The following CFAP206 variants were observed in gnomAD, a reference collection of about 807,000 sequenced individuals.
CFAP206 encodes the protein cilia- and flagella-associated protein 206.
In CFAP206, 53 loss-of-function variants were observed where a neutral mutation model predicts 65.4. The observed-to-expected ratio is 0.81, with a 90% CI of 0.65 to 1.02. The LOEUF is 1.02. Among genes scored for constraint, CFAP206 ranks in the 50% least tolerant of loss-of-function variants. The pLI is 0.00. For missense variants in CFAP206, 663 were observed against 753.2 expected (o/e 0.88, Z 1.40); for synonymous variants, 250 against 254.4 (o/e 0.98, Z 0.17).
Position 87,416,712 on chromosome 6 carries a change from T to C in CFAP206, c.516T>C (p.Phe172=). 6.2e-7 allele frequency: 1 copy of C among 1,613,810 alleles called. No homozygotes were observed. Among genetic ancestry groups the C allele is most frequent in the Non-Finnish European group, 8.5e-7 (1 of 1,179,846 alleles). Residue 172 remains phenylalanine (F), a synonymous_variant, in exon 6 of 13, where the codon TTT becomes TTC. Coordinates refer to ENST00000369562, the MANE Select transcript of CFAP206 (RefSeq NM_001031743.3). ...SVFPQAELGT[F]LTLSKKDKER... is the part of the protein sequence containing the mutation. ...TTCCTCAGGCAGAGCTTGGGACATT[T>C]CTAACTCTTTCTAAGAAGGACAAAG... is the stretch of plus-strand genomic sequence containing the variant.
At chr6:87,431,273 A>T in intron 10 of CFAP206, 100 bp downstream of exon 10, 1 of 1,120,974 alleles carries the variant, frequency 8.9e-7, no homozygotes. Context: ...AACTTTATGG[A>T]ATCTAATGGT....
intron 11 of CFAP206, 104 bp from the exon 12 acceptor site, chr6:87,460,918 T>G (rs1399086901): frequency 3.2e-6 from 3 of 940,596 alleles, no homozygotes; most frequent in Non-Finnish European, 3.1e-6. Flanking sequence ...TGTCCAAAAA[T>G]TATTGTTTTT....
chr6:87,415,715 C>T lies in CFAP206; in HGVS notation c.313C>T (p.Leu105=). 1.2e-6 allele frequency: 2 copies of T among 1,610,542 alleles called. No individual in the cohort carries two copies. Among genetic ancestry groups the T allele is most frequent in the Non-Finnish European group, 1.7e-6 (2 of 1,178,472 alleles). Residue 105 remains leucine, a synonymous_variant, in exon 5 of 13, where the codon CTA becomes TTA. Transcript: ENST00000369562. ...VEFLEEHHRV[L]ESRLGSVTRE... is the part of the protein sequence containing the mutation. ...ATTTCTCGAAGAACATCACCGGGTC[C>T]TAGAGTCTAGATTAGGCTCTGTTAC...
chr6:87,450,344 T>C (rs1203292339), intron 11 of CFAP206, among the ~76,000 whole-genome samples: 1 of 152,142 alleles, frequency 6.6e-6, no homozygotes, highest in Non-Finnish European at 1.5e-5. Flanking sequence ...TTTCTATTTC[T>C]TGAAGAATGT....
intron 11 of CFAP206, chr6:87,444,354 T>A: frequency 4.6e-6 from 1 of 218,424 alleles, no homozygotes; most frequent in Non-Finnish European, 9.7e-6. Flanking sequence ...GTGGTCCAGG[T>A]TGCGTTTCCT....
chr6:87,431,306 G>A (rs968983416), intron 10 of CFAP206, 133 bp downstream of exon 10: 1 of 862,432 alleles, frequency 1.2e-6, no homozygotes, highest in African/African-American at 1.7e-5. Context: ...GATCTACAAA[G>A]ATGATCCAGA....
rs183885216 is a variant in CFAP206, at chr6:87,424,414, G to A, written c.841-2112G>A. Among the ~76,000 whole-genome samples, 4 of 152,106 alleles carry A rather than the reference G, an allele frequency of 2.6e-5. No individual in the cohort carries two copies. In the East Asian group the frequency reaches 7.7e-4, roughly 29 times the overall value. On this transcript the variant is annotated intron_variant, in intron 7 of 12. Coordinates refer to ENST00000369562, the MANE Select transcript of CFAP206 (RefSeq NM_001031743.3). The stretch of plus-strand genomic sequence containing the variant: ...CCTGCCTCAGCCTCCCGAGTAGCTG[G>A]GACATAGGCAGGTGCCACCACGCCC...
At chr6:87,458,104 A>G (rs1768679907) in intron 11 of CFAP206, among the ~76,000 whole-genome samples, 1 of 152,226 alleles carries the variant, frequency 6.6e-6, no homozygotes, top group African/African-American at 2.4e-5. Context: ...GGAAATGCAA[A>G]TCAAAACTAT....
At chr6:87,424,734 G>T (rs527561438) in intron 7 of CFAP206, among the ~76,000 whole-genome samples, 6 of 151,962 alleles carry the variant, frequency 3.9e-5, no homozygotes, top group African/African-American at 1.4e-4. Context: ...TTTATTCCTT[G>T]TATCAATAGA....
intron 11 of CFAP206, among the ~76,000 whole-genome samples, chr6:87,440,651 A>G (rs1768347220): frequency 6.6e-6 from 1 of 152,226 alleles, no homozygotes; most frequent in African/African-American, 2.4e-5. Context: ...TTGCTAATGC[A>G]GAAAGCATCT....
At chr6:87,417,987 C>G (rs1472407623) in intron 6 of CFAP206, among the ~76,000 whole-genome samples, 1 of 151,988 alleles carries the variant, frequency 6.6e-6, no homozygotes, top group African/African-American at 2.4e-5. Context: ...ATCCGCCCGC[C>G]TCGGCCTCCC....
At chr6:87,416,486 A>C (rs1767831689) in intron 5 of CFAP206, among the ~76,000 whole-genome samples, 183 bp from the exon 6 acceptor site, 1 of 152,226 alleles carries the variant, frequency 6.6e-6, no homozygotes, top group Non-Finnish European at 1.5e-5. Flanking sequence ...CATAACTCTC[A>C]GTAATCCAGC....
At chr6:87,415,350 TATATA>T (rs1311124063) in intron 4 of CFAP206, among the ~76,000 whole-genome samples, 1 of 149,932 alleles carries the variant, frequency 6.7e-6, no homozygotes, top group African/African-American at 2.4e-5. Flanking sequence ...AAAATTAAAA[TATATA>T]ATATATATTT....
intron 4 of CFAP206, among the ~76,000 whole-genome samples, chr6:87,414,360 G>C (rs752140337): frequency 6.6e-6 from 1 of 152,088 alleles, no homozygotes; most frequent in Non-Finnish European, 1.5e-5. Flanking sequence ...GCAGTGGCAC[G>C]ATCCACAGAT....
chr6:87,424,625 T>C (rs1280183048), intron 7 of CFAP206, among the ~76,000 whole-genome samples: 1 of 152,234 alleles, frequency 6.6e-6, no homozygotes, highest in Non-Finnish European at 1.5e-5. Flanking sequence ...TTTCAGACCA[T>C]GATTGTTGTA....
intron 10 of CFAP206, among the ~76,000 whole-genome samples, chr6:87,432,073 C>T (rs569471687): frequency 1.3e-5 from 2 of 152,200 alleles, no homozygotes; most frequent in East Asian, 3.9e-4. Flanking sequence ...AAAAAGCCTG[C>T]CAGGGCTAGA....
chr6:87,416,555 A>T (rs1035505189), intron 5 of CFAP206, 114 bp from the exon 6 acceptor site: 1 of 880,136 alleles, frequency 1.1e-6, no homozygotes, highest in African/African-American at 1.7e-5. Flanking sequence ...AATTTAAAGA[A>T]TCATATAAGT....
chr6:87,445,041 T>C (rs1245723870), intron 11 of CFAP206: 1 of 517,940 alleles, frequency 1.9e-6, no homozygotes, highest in Non-Finnish European at 3.8e-6. Context: ...CAAGAGAGGA[T>C]TCAGCTTGAA....
chr6:87,409,868 T>C lies in CFAP206; in HGVS notation c.29T>C (p.Ile10Thr), dbSNP rs768796334. The change falls in exon 2 of 13, where the codon ATA becomes ACA. Residue 10 changes from isoleucine (I) to threonine (T), a missense_variant. By Grantham distance (89) the Ile-to-Thr change is moderately conservative. Transcript: ENST00000369562. MPPTQAESV[I>T]RSIIREIGQE... is the part of the protein sequence containing the mutation. ...CCTCCAACTCAGGCCGAAAGTGTTA[T>C]AAGGAGTATTATACGAGAAATAGGA... 8 of 1,613,108 alleles carry C rather than the reference T, an allele frequency of 5.0e-6. No homozygotes were observed. The highest frequency in any genetic ancestry group is 4.4e-5 in the South Asian group (4 of 90,940).
Sources: allele counts gnomAD v4.1 joint callset (sites outside exome capture counted in the v4.1 genomes callset), GRCh38; gene constraint gnomAD v4.1.1; transcripts MANE v1.5; gene names NCBI Gene and HGNC (gene_info 2026-07-23, HGNC 2026-07-21).